The following AGBL4 variants were observed in gnomAD, a reference collection of about 807,000 sequenced individuals.
AGBL4 encodes the protein AGBL carboxypeptidase 4.
A neutral mutation model predicts 66.4 loss-of-function variants in AGBL4; 58 were observed. The observed-to-expected ratio is 0.87, with a 90% confidence interval of 0.71 to 1.09. The LOEUF (loss-of-function observed/expected upper bound fraction) is 1.09. AGBL4 is among the 50% of genes least tolerant of loss of function. The pLI is 0.00. For synonymous variants in AGBL4, 234 were observed against 222.9 expected, an observed-to-expected ratio of 1.05 and a Z score of -0.44; for missense variants, 579 against 631.0, an observed-to-expected ratio of 0.92 and a Z score of 0.88.
chr1:49,491,351 C>T (rs1023940584), intron 3 of AGBL4, among the ~76,000 whole-genome samples: 18 of 151,592 alleles, frequency 1.2e-4, no homozygotes, highest in Admixed American at 1.1e-3. Flanking sequence ...TATTAAAGTA[C>T]CAAATGGTGC....
At chr1:48,908,636 T>G (rs1474369649) in intron 5 of AGBL4, among the ~76,000 whole-genome samples, 4 of 152,188 alleles carry the variant, frequency 2.6e-5, no homozygotes, top group Non-Finnish European at 5.9e-5. Context: ...CATCACCCCA[T>G]GAATTAGAAG....
chr1:49,832,667 T>A (rs1490405040), intron 2 of AGBL4, among the ~76,000 whole-genome samples: 1 of 151,366 alleles, frequency 6.6e-6, no homozygotes. Context: ...TGTTGTTTCC[T>A]GACTTTTTAA....
rs1312322268 is a variant in AGBL4, at chr1:49,844,609, T to C, written c.157+6787A>G. The C allele has an allele frequency of 2.6e-5, 35 of 1,353,510 alleles. No individual in the cohort carries two copies. In the Middle Eastern group the frequency reaches 5.7e-4, roughly 22 times the overall value. 83.8% of individuals were successfully genotyped at this position (1,353,510 alleles called of 1,614,324 possible). ...GAACATTTCAAAATCATTAGTTTCA[T>C]CCTTCCTCTTCCCATCTCACCACAA... On this transcript the variant is annotated intron_variant, in intron 2 of 13. Transcript: ENST00000371839.
chr1:49,190,008 T>G (rs538752085), intron 4 of AGBL4, among the ~76,000 whole-genome samples: 1 of 152,352 alleles, frequency 6.6e-6, no homozygotes, highest in Admixed American at 6.5e-5. Context: ...ACTAGAGATA[T>G]TAGCTGTGGC....
intron 3 of AGBL4, among the ~76,000 whole-genome samples, chr1:49,651,009 G>A (rs947437762): frequency 4.6e-5 from 7 of 152,072 alleles, no homozygotes; most frequent in Non-Finnish European, 1.0e-4. Flanking sequence ...TCTGCCCTCC[G>A]TACACAGAGC....
Position 49,614,249 on chromosome 1 carries a change from T to A in AGBL4, c.282+83064A>T, listed in dbSNP as rs529402732. The stretch of plus-strand genomic sequence containing the variant: ...GCCAAGGATAACCACTATCCTGAAT[T>A]TTAATACTATAGACTAGTTTTGTTG... On this transcript the variant is annotated intron_variant, in intron 3 of 13. Transcript: ENST00000371839. Among the ~76,000 whole-genome samples, 4 of 152,286 alleles carry A rather than the reference T, an allele frequency of 2.6e-5. No individual in the cohort carries two copies. The South Asian group carries it at 8.3e-4, about 32-fold the overall frequency.
intron 11 of AGBL4, among the ~76,000 whole-genome samples, chr1:48,554,826 G>A (rs563162445): frequency 4.6e-5 from 7 of 152,258 alleles, no homozygotes; most frequent in African/African-American, 7.2e-5. Context: ...GCAAGCGGAC[G>A]GTTAGGACTT....
chr1:49,591,047 C>A (rs1005958136), intron 3 of AGBL4, among the ~76,000 whole-genome samples: 14 of 151,858 alleles, frequency 9.2e-5, no homozygotes, highest in African/African-American at 3.4e-4. Flanking sequence ...ATGACTATAT[C>A]TGAAACAAAT....
intron 6 of AGBL4, among the ~76,000 whole-genome samples, chr1:48,861,167 A>G (rs1225214919): frequency 6.6e-6 from 1 of 152,200 alleles, no homozygotes; most frequent in African/African-American, 2.4e-5. Flanking sequence ...GTCAAAAGTG[A>G]ATTTATAAAT....
At chr1:48,654,049 A>C (rs1039894895) in intron 7 of AGBL4, among the ~76,000 whole-genome samples, 5 of 152,168 alleles carry the variant, frequency 3.3e-5, no homozygotes, top group African/African-American at 1.2e-4. Context: ...GACTCCAGGG[A>C]TGATTGCCTT....
chr1:49,456,698 A>C (rs1053437054), intron 3 of AGBL4, among the ~76,000 whole-genome samples: 13 of 151,534 alleles, frequency 8.6e-5, no homozygotes, highest in African/African-American at 3.1e-4. Flanking sequence ...ACTGTATCCA[A>C]TGTGGAGTCT....
At chr1:49,703,513 C>T (rs1274464132) in intron 2 of AGBL4, among the ~76,000 whole-genome samples, 4 of 150,844 alleles carry the variant, frequency 2.7e-5, no homozygotes, top group South Asian at 2.1e-4. Context: ...AAATTCCACA[C>T]GCATTCATGA....
At chr1:48,772,852 C>T (rs942806392) in intron 6 of AGBL4, among the ~76,000 whole-genome samples, 1 of 152,160 alleles carries the variant, frequency 6.6e-6, no homozygotes, top group African/African-American at 2.4e-5. Flanking sequence ...CAAAGCCCAC[C>T]TTGAATTGGT....
intron 7 of AGBL4, among the ~76,000 whole-genome samples, chr1:48,659,902 CA>C (rs1249936157): frequency 6.6e-6 from 1 of 152,230 alleles, no homozygotes; most frequent in East Asian, 1.9e-4. Context: ...TGTCAGTCTT[CA>C]CAACAACGCT....
At chr1:49,822,109 A>G (rs1022113093) in intron 2 of AGBL4, among the ~76,000 whole-genome samples, 1 of 152,134 alleles carries the variant, frequency 6.6e-6, no homozygotes, top group South Asian at 2.1e-4. Context: ...GAATGAGAAA[A>G]TTCTGTGTAA....
At chr1:49,221,332 C>T (rs972106669) in intron 4 of AGBL4, among the ~76,000 whole-genome samples, 2 of 152,110 alleles carry the variant, frequency 1.3e-5, no homozygotes, top group Non-Finnish European at 2.9e-5. Flanking sequence ...ACAGAGTGCT[C>T]AATGCCTTCA....
intron 3 of AGBL4, among the ~76,000 whole-genome samples, chr1:49,591,512 C>A (rs991382882): frequency 4.6e-5 from 7 of 152,074 alleles, no homozygotes; most frequent in Non-Finnish European, 1.0e-4. Flanking sequence ...GACCATACTG[C>A]AAAAGCAATT....
At chr1:48,734,746 T>C (rs970788403) in intron 6 of AGBL4, among the ~76,000 whole-genome samples, 2 of 152,244 alleles carry the variant, frequency 1.3e-5, no homozygotes, top group African/African-American at 4.8e-5. Context: ...CTTCTCCAAC[T>C]ACCCCAGTGA....
intron 2 of AGBL4, among the ~76,000 whole-genome samples, chr1:49,736,574 G>A (rs1405739331): frequency 6.6e-6 from 1 of 152,062 alleles, no homozygotes; most frequent in East Asian, 1.9e-4. Flanking sequence ...AAACCTTTGG[G>A]ATGCAGCAAA....
Sources: allele counts gnomAD v4.1 joint callset (sites outside exome capture counted in the v4.1 genomes callset), GRCh38; gene constraint gnomAD v4.1.1; transcripts MANE v1.5; gene names NCBI Gene and HGNC (gene_info 2026-07-23, HGNC 2026-07-21).